The following CARNS1 variants were observed in gnomAD, a reference collection of about 807,000 sequenced individuals.
The protein encoded by CARNS1 is carnosine synthase 1.
A neutral mutation model predicts 74.0 loss-of-function variants in CARNS1; 61 were observed. The ratio of observed to expected loss-of-function variants is 0.82; its 90% CI spans 0.67 to 1.02. The LOEUF (loss-of-function observed/expected upper bound fraction) is 1.02. Ranked by LOEUF, CARNS1 falls within the 50% of genes least tolerant of loss-of-function variation. The pLI, the probability that CARNS1 is intolerant of heterozygous loss-of-function variation, is 0.00. For synonymous variants in CARNS1, 568 were observed against 605.5 expected, an observed-to-expected ratio of 0.94 and a Z score of 0.91; for missense variants, 1,278 against 1,308.4, an observed-to-expected ratio of 0.98 and a Z score of 0.36.
chr11:67,424,946 C>T lies in CARNS1; in HGVS notation c.*345C>T, dbSNP rs1250509612. 3.6e-6 allele frequency: 2 copies of T among 548,996 alleles called. No homozygotes were observed. The highest frequency in any genetic ancestry group is 2.2e-5 in the Admixed American group (1 of 44,852). 34.0% of individuals were successfully genotyped at this position (548,996 alleles called of 1,614,324 possible). A position where few individuals can be genotyped will look rare whatever the true frequency, so the allele number is the denominator to read the frequency against. ...GGGCCCAAACCCAGCCCCTCCTGTC[C>T]ACCTCTCCAGGTCTCACTCTCTTCC... On this transcript the variant is annotated 3_prime_UTR_variant, in exon 10 of 10. Coordinates refer to ENST00000687366, the MANE Select transcript of CARNS1 (RefSeq NM_001166222.2).
intron 9 of CARNS1, among the ~76,000 whole-genome samples, chr11:67,422,608 T>G (rs760288854): frequency 2.0e-4 from 31 of 152,298 alleles, no homozygotes; most frequent in African/African-American, 7.2e-4. Flanking sequence ...ATTACAGGTG[T>G]GAGCCACTGC....
intron 4 of CARNS1, 58 bp from the exon 5 acceptor site, chr11:67,418,698 G>A: frequency 3.4e-6 from 5 of 1,489,452 alleles, no homozygotes; most frequent in Non-Finnish European, 4.5e-6. Context: ...CTACCCGGGG[G>A]CCCGGGCATA....
Position 67,419,259 on chromosome 11 carries a change from C to A in CARNS1, c.852+16C>A. The A allele has an allele frequency of 6.8e-7, 1 of 1,469,014 alleles. No homozygotes were observed. Among genetic ancestry groups the A allele is most frequent in the East Asian group, 2.5e-5 (1 of 40,142 alleles). 91.0% of individuals were successfully genotyped at this position (1,469,014 alleles called of 1,614,324 possible). A position where few individuals can be genotyped will look rare whatever the true frequency, so the allele number is the denominator to read the frequency against. ...TATCCTGCAGGTAACAGACTCTCGC[C>A]CACCCTGAGGTCTGTACAGATGCCA... is the stretch of plus-strand genomic sequence containing the variant. On this transcript the variant is annotated intron_variant, in intron 5 of 9. Coordinates refer to ENST00000687366, the MANE Select transcript of CARNS1 (RefSeq NM_001166222.2).
intron 6 of CARNS1, 44 bp downstream of exon 6, chr11:67,419,705 C>T: frequency 1.3e-6 from 2 of 1,588,742 alleles, no homozygotes; most frequent in Non-Finnish European, 1.7e-6. Flanking sequence ...TTTGGTGTGG[C>T]CTTCTGGCCA....
intron 3 of CARNS1, 43 bp downstream of exon 3, chr11:67,417,720 G>C: frequency 8.2e-7 from 1 of 1,220,208 alleles, no homozygotes; most frequent in Non-Finnish European, 1.0e-6. Flanking sequence ...TGGGGGCAGG[G>C]AGGGGCCCTC....
chr11:67,421,864 A>G (rs1199659507), intron 9 of CARNS1, among the ~76,000 whole-genome samples: 1 of 151,596 alleles, frequency 6.6e-6, no homozygotes, highest in Admixed American at 6.6e-5. Flanking sequence ...AGTAGCTGAG[A>G]CTACAGGCAC....
Position 67,423,523 on chromosome 11 carries a change from G to GCTGCTTCTCCTACTGGGATGA in CARNS1, c.1780_1800dup (p.Phe594_Cys600dup). The GCTGCTTCTCCTACTGGGATGA allele has an allele frequency of 6.2e-7, 1 of 1,613,618 alleles. No homozygotes were observed. The highest frequency in any genetic ancestry group is 1.3e-5 in the African/African-American group (1 of 75,062). On this transcript the variant is annotated inframe_insertion, in exon 10 of 10. Coordinates refer to ENST00000687366, the MANE Select transcript of CARNS1 (RefSeq NM_001166222.2). This position sits in a 1 kb window ranked among gnomAD's most constrained non-coding sequence, Gnocchi z 5.1. Reference sequence around the variant, plus strand: ...CGGGCTCGCGGCCTCAAGCTAGATGGCTGCTTCTCCTACTGGGATGACTGC... The same window carrying GCTGCTTCTCCTACTGGGATGA: ...CGGGCTCGCGGCCTCAAGCTAGATGGCTGCTTCTCCTACTGGGATGACTGCTTCTCCTACTGGGATGACTGC...
chr11:67,420,662 G>T lies in CARNS1; in HGVS notation c.1167G>T (p.Leu389=), dbSNP rs945362770. The T allele has an allele frequency of 1.6e-4, 205 of 1,259,060 alleles. No individual in the cohort carries two copies. Among genetic ancestry groups the T allele is most frequent in the Non-Finnish European group, 2.0e-4 (203 of 1,004,036 alleles). The allele number at this position is 1,259,060 out of a possible 1,614,324, so 78.0% of individuals were successfully genotyped here. Residue 389 remains leucine, a synonymous_variant, in exon 8 of 10, where the codon CTG becomes CTT. Transcript: ENST00000687366. ...GCCCTCTACGGCACCACAACTCCCT[G>T]CCGAGGACGCTGGAGGTGGCGCTGG... ...GDRPLRHHNS[L]PRTLEVALAQ... is the part of the protein sequence containing the mutation.
At position 67,418,875 on chromosome 11, in the gene CARNS1, T is replaced by G; in HGVS notation, c.484T>G (p.Phe162Val). 3 of 1,601,292 alleles carry G rather than the reference T, an allele frequency of 1.9e-6. No individual in the cohort carries two copies. The highest frequency in any genetic ancestry group is 2.6e-6 in the Non-Finnish European group (3 of 1,174,062). Residue 162 changes from phenylalanine (F) to valine (V), a missense_variant, in exon 5 of 10, where the codon TTC becomes GTC. Transcript: ENST00000687366. ...GAGCTTCCACCCTGGGGGCCTGACA[T>G]TCCTGGATGACTTTGTCCCCCCGCG... ...AVSFHPGGLT[F>V]LDDFVPPRRA...
Position 67,423,487 on chromosome 11 carries a change from CAG to C in CARNS1, c.1742_1743del (p.Glu581ValfsTer18). ...GATGAGGAGAACGCACGGCTGCTGG[CAG>C]AGTTGGTGCGGGCTCGCGGCCTCAA... On this transcript the variant is annotated frameshift_variant, in exon 10 of 10. Transcript: ENST00000687366. LOFTEE classifies it high-confidence loss of function. The surrounding 1 kb of genome is among the most constrained non-coding windows in gnomAD (Gnocchi z 5.1). 6.2e-7 allele frequency: 1 copy of C among 1,614,044 alleles called. No homozygotes were observed. Among genetic ancestry groups the C allele is most frequent in the Non-Finnish European group, 8.5e-7 (1 of 1,179,896 alleles).
intron 9 of CARNS1, among the ~76,000 whole-genome samples, chr11:67,422,171 CTTTTTTTTTTTTTT>C (rs35293042): frequency 4.4e-4 from 32 of 72,798 alleles, no homozygotes; most frequent in African/African-American, 1.3e-3. Flanking sequence ...CGCGCCCGGC[CTTTTTTTTTTTTTT>C]TTTTTTTTTT....
chr11:67,421,275 C>T, intron 9 of CARNS1, 56 bp downstream of exon 9: 2 of 1,372,616 alleles, frequency 1.5e-6, no homozygotes, highest in Middle Eastern at 2.7e-4. Flanking sequence ...GTGGTGGAGG[C>T]GGGACCCCGG....
rs771806269 is a variant in CARNS1 at position 67,423,656 on chromosome 11, C to T, written c.1908C>T (p.His636=). ...QKSLTQLHLL[H]HHGPPWPAPS... ...GCCTCACCCAGCTGCACCTGTTGCA[C>T]CACCATGGCCCACCCTGGCCTGCGC... Residue 636 remains histidine (H), a synonymous_variant, in exon 10 of 10, where the codon CAC becomes CAT. Coordinates refer to ENST00000687366, the MANE Select transcript of CARNS1 (RefSeq NM_001166222.2). This position sits in a 1 kb window ranked among gnomAD's most constrained non-coding sequence, Gnocchi z 5.1. 1.2e-5 allele frequency: 20 copies of T among 1,604,124 alleles called. No individual in the cohort carries two copies. Among genetic ancestry groups the T allele is most frequent in the Non-Finnish European group, 1.6e-5 (19 of 1,177,170 alleles).
Position 67,424,867 on chromosome 11 carries a change from A to G in CARNS1, c.*266A>G, listed in dbSNP as rs1225134809. 4 of 590,428 alleles carry G rather than the reference A, an allele frequency of 6.8e-6. No individual in the cohort carries two copies. The highest frequency in any genetic ancestry group is 1.3e-5 in the Non-Finnish European group (4 of 319,004). 36.6% of individuals were successfully genotyped at this position (590,428 alleles called of 1,614,324 possible). On this transcript the variant is annotated 3_prime_UTR_variant, in exon 10 of 10. Transcript: ENST00000687366. ...CTTGGAGAAATGACAATGGCCACAC[A>G]CACACACACACACACACACACACAC...
chr11:67,424,707 C>T lies in CARNS1; in HGVS notation c.*106C>T, dbSNP rs1263338666. ...TCTCCCCATCACCATGCCCCAGCCC[C>T]AGCCTGGCCCGCTGCAATGCCTAGG... is the stretch of plus-strand genomic sequence containing the variant. On this transcript the variant is annotated 3_prime_UTR_variant, in exon 10 of 10. Transcript: ENST00000687366. 4 of 1,270,946 alleles carry T rather than the reference C, an allele frequency of 3.1e-6. No homozygotes were observed. In the Admixed American group the frequency reaches 7.9e-5, roughly 25 times the overall value. The allele number at this position is 1,270,946 out of a possible 1,614,324, so 78.7% of individuals were successfully genotyped here.
At chr11:67,416,404 A>AT in intron 2 of CARNS1, 1 of 1,409,776 alleles carries the variant, frequency 7.1e-7, no homozygotes, top group Non-Finnish European at 9.2e-7. Flanking sequence ...ACATTCATTC[A>AT]TTCCATGGCC....
intron 9 of CARNS1, among the ~76,000 whole-genome samples, chr11:67,421,603 A>G (rs1863708375): frequency 6.6e-6 from 1 of 152,102 alleles, no homozygotes; most frequent in Non-Finnish European, 1.5e-5. Context: ...TTTGAGGTTG[A>G]ATTCCTGACA....
In CARNS1 at chr11:67,418,755, G is replaced by T; in HGVS notation, c.365-1G>T. On this transcript the variant is annotated splice_acceptor_variant, in intron 4 of 9. Transcript: ENST00000687366. LOFTEE classifies it high-confidence loss of function. ...CAGCCACTTGCCTTCTCTGCCCACA[G>T]GAAACATGCTCCTTTGCCTGTCCCC... 6.3e-7 allele frequency: 1 copy of T among 1,583,098 alleles called. No homozygotes were observed. The highest frequency in any genetic ancestry group is 1.2e-5 in the South Asian group (1 of 86,894).
Position 67,419,608 on chromosome 11 carries a change from A to G in CARNS1, c.974A>G (p.Glu325Gly). Reference protein sequence around the residue: ...VLALLEKLEEEESVLVEAVYP... With the variant: ...VLALLEKLEEGESVLVEAVYP... ...GCGCTGCTGGAGAAGCTGGAGGAGGAGGAGAGTGTCCTGGTGGAGGCTGTG... is the reference window on the plus strand; with the variant it reads ...GCGCTGCTGGAGAAGCTGGAGGAGGGGGAGAGTGTCCTGGTGGAGGCTGTG... The change falls in exon 6 of 10, where the codon GAG (glutamate) becomes GGG (glycine). Residue 325 changes from glutamate (E) to glycine (G), a missense_variant. Physicochemically the swap from Glu to Gly is moderately conservative, Grantham distance 98. This residue lies in a region of CARNS1 where 1,164 missense variants were observed against 1,156.5 expected (regional missense o/e 1.01). Coordinates refer to ENST00000687366, the MANE Select transcript of CARNS1 (RefSeq NM_001166222.2). 6.2e-7 allele frequency: 1 copy of G among 1,603,902 alleles called. No individual in the cohort carries two copies.
Sources: allele counts gnomAD v4.1 joint callset (sites outside exome capture counted in the v4.1 genomes callset), GRCh38; gene constraint gnomAD v4.1.1; regional missense constraint gnomAD v4.1.1; non-coding constraint Gnocchi (gnomAD v3.1); transcripts MANE v1.5; gene names NCBI Gene and HGNC (gene_info 2026-07-23, HGNC 2026-07-21).